The following DDX56 variants were observed in gnomAD, a reference collection of about 807,000 sequenced individuals.
DDX56 encodes the protein probable ATP-dependent RNA helicase DDX56.
Under a neutral mutation model 61.5 loss-of-function variants are expected in DDX56, and 45 were observed. That is an observed-to-expected ratio of 0.73 (90% CI 0.58 to 0.94). DDX56 has a LOEUF of 0.94. Ranked by LOEUF, DDX56 falls within the 40% of genes least tolerant of loss-of-function variation. The pLI is 0.00. For missense variants in DDX56, 708 were observed against 690.7 expected, an observed-to-expected ratio of 1.02 and a Z score of -0.28; for synonymous variants, 273 against 268.3, an observed-to-expected ratio of 1.02 and a Z score of -0.17.
rs1431027560 is a variant in DDX56 at position 44,572,764 on chromosome 7, CA to C, written c.384-21del. On this transcript the variant is annotated intron_variant, in intron 3 of 13. Transcript: ENST00000258772. ...ACAGCTCTGGAGGTGGACAAGACAT[CA>C]GTATCAGGCAGAATGTAGCAGCTGG... 7 of 1,612,982 alleles carry C rather than the reference CA, an allele frequency of 4.3e-6. No homozygotes were observed. The highest frequency in any genetic ancestry group is 5.9e-6 in the Non-Finnish European group (7 of 1,179,184).
At chr7:44,572,771 A>C in intron 3 of DDX56, 27 bp from the exon 4 acceptor site, 3 of 1,612,904 alleles carry the variant, frequency 1.9e-6, no homozygotes, top group Non-Finnish European at 2.5e-6. Context: ...CATCAGTATC[A>C]GGCAGAATGT....
At position 44,568,221 on chromosome 7, in the gene DDX56, T is replaced by G. The variant is rs371612989; in HGVS notation, c.1386A>C (p.Thr462=). The part of the protein sequence containing the change: ...EELLHSEKLK[T]YFEDNPRDLQ... Reference sequence around the variant, plus strand: ...GGTCCCTAGGGTTGTCTTCAAAGTATGTCTGCCGGGGGAAGAGGGAGAGCC... The same window carrying G: ...GGTCCCTAGGGTTGTCTTCAAAGTAGGTCTGCCGGGGGAAGAGGGAGAGCC... The change falls in exon 12 of 14, where the codon ACA becomes ACC. Residue 462 remains threonine (T), a splice_region_variant and synonymous_variant. Coordinates refer to ENST00000258772, the MANE Select transcript of DDX56 (RefSeq NM_019082.4). 392 of 1,607,048 alleles carry G rather than the reference T, an allele frequency of 2.4e-4. 3 individuals carry two copies. The highest frequency in any genetic ancestry group is 1.8e-3 in the South Asian group (160 of 90,664).
In DDX56 at chr7:44,572,990, C is replaced by A; in HGVS notation, c.283G>T (p.Ala95Ser). 1.9e-6 allele frequency: 3 copies of A among 1,612,958 alleles called. No individual in the cohort carries two copies. The highest frequency in any genetic ancestry group is 2.5e-6 in the Non-Finnish European group (3 of 1,179,424). Residue 95 changes from alanine to serine, a missense_variant, in exon 3 of 14, where the codon GCA becomes TCA. Ala to Ser is a moderately conservative substitution (Grantham distance 99). Coordinates refer to ENST00000258772, the MANE Select transcript of DDX56 (RefSeq NM_019082.4). ...TGAATCATGGACTGTGCTTGCCGTGCCAGCTCCTTGGTAGGAACAAGAACA... is the reference window on the plus strand; with the variant it reads ...TGAATCATGGACTGTGCTTGCCGTGACAGCTCCTTGGTAGGAACAAGAACA... ...GLVLVPTKELARQAQSMIQQL... is the reference protein window; with the variant it reads ...GLVLVPTKELSRQAQSMIQQL...
chr7:44,569,266 A>C lies in DDX56; in HGVS notation c.1220-63T>G, dbSNP rs927724529. 4 of 1,499,474 alleles carry C rather than the reference A, an allele frequency of 2.7e-6. No homozygotes were observed. In the African/African-American group the frequency reaches 5.5e-5, roughly 21 times the overall value. 92.9% of individuals were successfully genotyped at this position (1,499,474 alleles called of 1,614,324 possible). ...GGCCTTAGGATAGGGTCTTCATTGG[A>C]GGCCTCCTGCACCTCCCCCTTGGGG... On this transcript the variant is annotated intron_variant, in intron 9 of 13. Transcript: ENST00000258772.
Position 44,572,635 on chromosome 7 carries a change from C to T in DDX56, c.493G>A (p.Val165Met). Residue 165 changes from valine (V) to methionine (M), a missense_variant, in exon 4 of 14, where the codon GTG (valine) becomes ATG (methionine). Physicochemically the swap from Val to Met is conservative, Grantham distance 21 (BLOSUM62 1). Coordinates refer to ENST00000258772, the MANE Select transcript of DDX56 (RefSeq NM_019082.4). ...KLRDSLELLV[V>M]DEADLLFSFG... ...GAAAAAAGAAGGTCAGCTTCGTCCA[C>T]CACCAAAAGCTCCAGGGAGTCACGA... is the stretch of plus-strand genomic sequence containing the variant. The T allele has an allele frequency of 6.2e-7, 1 of 1,614,178 alleles. No homozygotes were observed. The highest frequency in any genetic ancestry group is 8.5e-7 in the Non-Finnish European group (1 of 1,180,028).
Position 44,565,910 on chromosome 7 carries a change from G to C in DDX56, c.*92C>G. On this transcript the variant is annotated 3_prime_UTR_variant, in exon 14 of 14. Transcript: ENST00000258772. Reference sequence around the variant, plus strand: ...TGCCGGCCCCAGAACTGTCTGTTCAGGCTGTGCAGTAAGCACCAGAGCCTC... The same window carrying C: ...TGCCGGCCCCAGAACTGTCTGTTCACGCTGTGCAGTAAGCACCAGAGCCTC... The C allele has an allele frequency of 2.0e-6, 2 of 996,838 alleles. No homozygotes were observed. Among genetic ancestry groups the C allele is most frequent in the Non-Finnish European group, 1.6e-6 (1 of 636,018 alleles). The allele number at this position is 996,838 out of a possible 1,614,324, so 61.7% of individuals were successfully genotyped here.
At chr7:44,569,073 C>T (rs1562583619) in intron 10 of DDX56, 57 bp downstream of exon 10, 1 of 1,611,214 alleles carries the variant, frequency 6.2e-7, no homozygotes, top group African/African-American at 1.3e-5. Context: ...CAAGACGGTG[C>T]AATCCCTGGG....
rs1348506352 is a variant in DDX56 at position 44,572,928 on chromosome 7, C to T, written c.345G>A (p.Val115=). ...LATYCARDVR[V]ANVSAAEDSV... is the part of the protein sequence containing the mutation. ...AGTCTTCAGCAGCTGAGACATTGGC[C>T]ACTCGGACATCCCGAGCACAGTAGG... The change falls in exon 3 of 14, where the codon GTG becomes GTA. Residue 115 remains valine, a synonymous_variant. Transcript: ENST00000258772. 1 of 1,606,466 alleles carries T rather than the reference C, an allele frequency of 6.2e-7. No individual in the cohort carries two copies. The highest frequency in any genetic ancestry group is 8.5e-7 in the Non-Finnish European group (1 of 1,176,172).
intron 2 of DDX56, 72 bp downstream of exon 2, chr7:44,573,507 TCAGA>T (rs1802734987): frequency 1.3e-6 from 2 of 1,562,968 alleles, no homozygotes; most frequent in African/African-American, 1.4e-5. Flanking sequence ...AGAGAAAACC[TCAGA>T]CAAACGGGAA....
rs1270982388 is a variant in DDX56, at chr7:44,573,587, T to C, written c.218A>G (p.Lys73Arg). The stretch of plus-strand genomic sequence containing the variant: ...CTCAGCTCTCTCGTTACCCACCGCC[T>C]TCCTATGGAGCAACAGCTGCAGCAT... ...IPMLQLLLHR[K>R]ATGPVVEQAV... is the part of the protein sequence containing the mutation. The change falls in exon 2 of 14, where the codon AAG becomes AGG. Residue 73 changes from lysine (K) to arginine (R), a missense_variant. By Grantham distance (26) the Lys-to-Arg change is conservative (BLOSUM62 2). Transcript: ENST00000258772. 3.1e-6 allele frequency: 5 copies of C among 1,613,284 alleles called. No homozygotes were observed. The highest frequency in any genetic ancestry group is 3.4e-6 in the Non-Finnish European group (4 of 1,179,512).
intron 12 of DDX56, chr7:44,567,678 G>A: frequency 3.9e-6 from 1 of 255,944 alleles, no homozygotes; most frequent in Non-Finnish European, 7.8e-6. Context: ...CTGTCTCCCT[G>A]CTGACTGTTC....
chr7:44,566,486 T>G lies in DDX56; in HGVS notation c.1528A>C (p.Lys510Gln), dbSNP rs1802539353. ...ALRGLVRPHK[K>Q]RKKLSSSCRK... is the part of the protein sequence containing the mutation. Reference sequence around the variant, plus strand: ...CAAGAGGAAGACAGCTTCTTCCGCTTCTTGTGAGGGCGCACCAGGCCACGG... The same window carrying G: ...CAAGAGGAAGACAGCTTCTTCCGCTGCTTGTGAGGGCGCACCAGGCCACGG... Residue 510 changes from lysine (K) to glutamine (Q), a missense_variant, in exon 13 of 14, where the codon AAG becomes CAG. Coordinates refer to ENST00000258772, the MANE Select transcript of DDX56 (RefSeq NM_019082.4). 5.1e-6 allele frequency: 8 copies of G among 1,567,284 alleles called. No individual in the cohort carries two copies. The highest frequency in any genetic ancestry group is 6.9e-6 in the Non-Finnish European group (8 of 1,155,336).
At position 44,571,580 on chromosome 7, in the gene DDX56, G is replaced by C. The variant is rs776405497; in HGVS notation, c.802C>G (p.Leu268Val). 1.2e-6 allele frequency: 2 copies of C among 1,614,050 alleles called. No individual in the cohort carries two copies. Among genetic ancestry groups the C allele is most frequent in the Non-Finnish European group, 1.7e-6 (2 of 1,180,042 alleles). The change falls in exon 6 of 14, where the codon CTA becomes GTA. Residue 268 changes from leucine to valine, a missense_variant. Physicochemically the swap from Leu to Val is conservative, Grantham distance 32 (BLOSUM62 1). Transcript: ENST00000258772. ...RGKSLLFVNTLERSYRLRLFL... is the reference protein window; with the variant it reads ...RGKSLLFVNTVERSYRLRLFL... ...AGGCGTAGCCGGTAACTCCGTTCTA[G>C]AGTGTTGACAAAGAGCAGAGACTTG...
Position 44,571,685 on chromosome 7 carries a change from G to C in DDX56, c.697C>G (p.Gln233Glu). Residue 233 changes from glutamine (Q) to glutamate (E), a missense_variant, in exon 6 of 14, where the codon CAG (glutamine) becomes GAG (glutamate). Coordinates refer to ENST00000258772, the MANE Select transcript of DDX56 (RefSeq NM_019082.4). Reference sequence around the variant, plus strand: ...TCAGTCTCACAGACCACCTGAAACTGCTGTAACTGGTCTGGCCCAGGCAGC... The same window carrying C: ...TCAGTCTCACAGACCACCTGAAACTCCTGTAACTGGTCTGGCCCAGGCAGC... ...SQLPGPDQLQ[Q>E]FQVVCETEED... The C allele has an allele frequency of 6.2e-7, 1 of 1,614,082 alleles. No individual in the cohort carries two copies.
Position 44,571,534 on chromosome 7 carries a change from A to C in DDX56, c.848T>G (p.Ile283Ser), listed in dbSNP as rs1585172923. 8 of 1,613,982 alleles carry C rather than the reference A, an allele frequency of 5.0e-6. No individual in the cohort carries two copies. In the South Asian group the frequency reaches 8.8e-5, roughly 18 times the overall value. The change falls in exon 6 of 14, where the codon ATC becomes AGC. Residue 283 changes from isoleucine (I) to serine (S), a missense_variant. Ile to Ser is a moderately radical substitution (Grantham distance 142). Transcript: ENST00000258772. ...RLRLFLEQFS[I>S]PTCVLNGELP... ...CTCTCCATTGAGCACACAGGTGGGGATGCTGAACTGTTCCAAGAACAGGCG... is the reference window on the plus strand; with the variant it reads ...CTCTCCATTGAGCACACAGGTGGGGCTGCTGAACTGTTCCAAGAACAGGCG...
intron 12 of DDX56, among the ~76,000 whole-genome samples, chr7:44,567,429 A>G (rs925323536): frequency 6.6e-6 from 1 of 152,200 alleles, no homozygotes; most frequent in Non-Finnish European, 1.5e-5. Context: ...TTTAGGCATA[A>G]AAGTCACACA....
rs777218491 is a variant in DDX56, at chr7:44,568,220, A to T, written c.1387T>A (p.Tyr463Asn). The change falls in exon 12 of 14, where the codon TAC (tyrosine) becomes AAC (asparagine). Residue 463 changes from tyrosine to asparagine, a missense_variant. Transcript: ENST00000258772. The part of the protein sequence containing the change: ...ELLHSEKLKT[Y>N]FEDNPRDLQL... ...AGGTCCCTAGGGTTGTCTTCAAAGT[A>T]TGTCTGCCGGGGGAAGAGGGAGAGC... The T allele has an allele frequency of 6.2e-7, 1 of 1,607,046 alleles. No individual in the cohort carries two copies. Among genetic ancestry groups the T allele is most frequent in the Non-Finnish European group, 8.5e-7 (1 of 1,174,944 alleles).
At position 44,572,946 on chromosome 7, in the gene DDX56, ACAGTAGGTAGC is replaced by A; in HGVS notation, c.316_326del (p.Ala106CysfsTer13). The stretch of plus-strand genomic sequence containing the variant: ...CATTGGCCACTCGGACATCCCGAGC[ACAGTAGGTAGC>A]CAGCTGCTGAATCATGGACTGTGCT... On this transcript the variant is annotated frameshift_variant, in exon 3 of 14. Coordinates refer to ENST00000258772, the MANE Select transcript of DDX56 (RefSeq NM_019082.4). LOFTEE classifies it high-confidence loss of function. 1 of 1,612,662 alleles carries A rather than the reference ACAGTAGGTAGC, an allele frequency of 6.2e-7. No homozygotes were observed. The highest frequency in any genetic ancestry group is 1.3e-5 in the African/African-American group (1 of 75,034).
rs746543936 is a variant in DDX56, at chr7:44,573,652, G to A, written c.153C>T (p.Ala51=). The A allele has an allele frequency of 1.2e-6, 2 of 1,613,754 alleles. No individual in the cohort carries two copies. Among genetic ancestry groups the A allele is most frequent in the South Asian group, 2.2e-5 (2 of 91,090 alleles). Residue 51 remains alanine, a synonymous_variant, in exon 2 of 14, where the codon GCC becomes GCT. Transcript: ENST00000258772. The stretch of plus-strand genomic sequence containing the variant: ...CGGCCGTCTTCCCGGAGCCCGTGCG[G>A]GCCCGAGCCAGGAGGTCCTTCCCTT... ...ALEGKDLLAR[A]RTGSGKTAAY...
Sources: gnomAD v4.1 joint callset for allele counts (sites outside exome capture counted in the v4.1 genomes callset) on GRCh38, gnomAD v4.1.1 for gene constraint, MANE v1.5 for transcripts, NCBI Gene and HGNC (gene_info 2026-07-23, HGNC 2026-07-21) for gene names.